Variants in SAMM50 observed in about 807,000 individuals in gnomAD.
SAMM50 encodes SAMM50 sorting and assembly machinery component.
A neutral mutation model predicts 66.9 loss-of-function variants in SAMM50; 47 were observed. The observed-to-expected ratio is 0.70, with a 90% CI of 0.56 to 0.90. The LOEUF is 0.90. SAMM50 is among the 40% of genes least tolerant of loss of function. SAMM50 has a pLI of 0.00. For missense variants in SAMM50, 535 were observed against 595.3 expected, an observed-to-expected ratio of 0.90 and a Z score of 1.05; for synonymous variants, 191 against 214.1, an observed-to-expected ratio of 0.89 and a Z score of 0.94.
At chr22:43,981,734 CA>C (rs1162447918) in intron 11 of SAMM50, among the ~76,000 whole-genome samples, 4 of 152,032 alleles carry the variant, frequency 2.6e-5, no homozygotes, top group Non-Finnish European at 4.4e-5. Flanking sequence ...TGCAGAAATG[CA>C]AAAATGGAGA....
chr22:43,995,662 G>C (rs1025670771), intron 14 of SAMM50, among the ~76,000 whole-genome samples: 1 of 152,186 alleles, frequency 6.6e-6, no homozygotes, highest in Admixed American at 6.5e-5. Context: ...CCCTGAGCCG[G>C]GTCTGGAGTC....
intron 13 of SAMM50, 113 bp from the exon 14 acceptor site, chr22:43,990,151 GC>G: frequency 2.4e-6 from 3 of 1,245,672 alleles, no homozygotes; most frequent in Non-Finnish European, 2.2e-6. Context: ...TCTAGGCCTG[GC>G]TTTAAAAACA....
chr22:43,956,021 C>A (rs2146801912), intron 1 of SAMM50, among the ~76,000 whole-genome samples: 1 of 152,296 alleles, frequency 6.6e-6, no homozygotes, highest in Non-Finnish European at 1.5e-5. Flanking sequence ...TAACTCAAAC[C>A]TATCTAGGGG....
In SAMM50 at chr22:43,963,400, A is replaced by C. The variant is rs1436418413; in HGVS notation, c.132+4A>C. 1.9e-6 allele frequency: 3 copies of C among 1,574,028 alleles called. No individual in the cohort carries two copies. Among genetic ancestry groups the C allele is most frequent in the Middle Eastern group, 1.7e-4 (1 of 5,954 alleles). The stretch of plus-strand genomic sequence containing the variant: ...GGAAATTCTTGAAAACAAAGATGTG[A>C]GTTTTCTGTTGAAGGTCTTGATAGA... On this transcript the variant is annotated splice_donor_region_variant and intron_variant, in intron 2 of 14. Transcript: ENST00000350028.
chr22:43,993,543 A>G (rs1320067137), intron 14 of SAMM50, among the ~76,000 whole-genome samples: 1 of 152,234 alleles, frequency 6.6e-6, no homozygotes, highest in African/African-American at 2.4e-5. Flanking sequence ...CATCCTAAGC[A>G]CGTGACATTT....
Position 43,963,305 on chromosome 22 carries a change from C to G in SAMM50, c.41C>G (p.Ser14Ter). 6.2e-7 allele frequency: 1 copy of G among 1,610,606 alleles called. No homozygotes were observed. The highest frequency in any genetic ancestry group is 8.5e-7 in the Non-Finnish European group (1 of 1,178,862). Reference protein sequence around the residue: ...VHARSLEPLPSSGPDFGGLGE... With the variant: ...VHARSLEPLP The stretch of plus-strand genomic sequence containing the variant: ...TTTCAGAGTTTGGAGCCTCTTCCAT[C>G]AAGTGGACCTGATTTTGGAGGATTA... The change falls in exon 2 of 15, where the codon TCA becomes TGA. Residue 14 changes from serine (S) to a stop codon, truncating the protein, a stop_gained. Coordinates refer to ENST00000350028, the MANE Select transcript of SAMM50 (RefSeq NM_015380.5). LOFTEE classifies it high-confidence loss of function.
At chr22:43,988,098 A>G (rs1054491702) in intron 12 of SAMM50, 2 of 152,144 alleles carry the variant, frequency 1.3e-5, no homozygotes. Flanking sequence ...TTCTACAATG[A>G]GTATATTTAA....
chr22:43,985,240 G>A (rs2050286232), intron 12 of SAMM50, among the ~76,000 whole-genome samples: 1 of 151,876 alleles, frequency 6.6e-6, no homozygotes, highest in Non-Finnish European at 1.5e-5. Flanking sequence ...TTTACATGAG[G>A]GTTCACTCTT....
intron 10 of SAMM50, among the ~76,000 whole-genome samples, chr22:43,979,604 A>G (rs1439629790): frequency 6.7e-6 from 1 of 150,146 alleles, no homozygotes. Flanking sequence ...CACTATGGAC[A>G]TATTAGTCTT....
At position 43,955,550 on chromosome 22, in the gene SAMM50, C is replaced by A. The variant is rs1202386039; in HGVS notation, c.-28C>A. On this transcript the variant is annotated 5_prime_UTR_variant, in exon 1 of 15. It adds an upstream start codon to the 5' untranslated region. Transcript: ENST00000350028. Reference sequence around the variant, plus strand: ...GACGCTCTGTCCCGCCCGGGCAGCTCTGCGAGGCAGCGGCTGGAGAGGGAA... The same window carrying A: ...GACGCTCTGTCCCGCCCGGGCAGCTATGCGAGGCAGCGGCTGGAGAGGGAA... 6.3e-7 allele frequency: 1 copy of A among 1,597,158 alleles called. No homozygotes were observed.
chr22:43,995,579 A>G (rs2050348841), intron 14 of SAMM50: 1 of 152,500 alleles, frequency 6.6e-6, no homozygotes. Flanking sequence ...TGCTGCAGGC[A>G]TGCTGTCAGG....
Position 43,976,042 on chromosome 22 carries a change from C to G in SAMM50, c.649-13C>G. 1 of 1,603,396 alleles carries G rather than the reference C, an allele frequency of 6.2e-7. No homozygotes were observed. The highest frequency in any genetic ancestry group is 8.5e-7 in the Non-Finnish European group (1 of 1,171,128). ...TGTGTGGTCCGGAAAGATGTCTGATCTCCATGTTGCAGTTTCCCATATGGA... is the reference window on the plus strand; with the variant it reads ...TGTGTGGTCCGGAAAGATGTCTGATGTCCATGTTGCAGTTTCCCATATGGA... On this transcript the variant is annotated splice_polypyrimidine_tract_variant and intron_variant, in intron 7 of 14. Transcript: ENST00000350028.
chr22:43,967,071 A>T (rs952545596), intron 3 of SAMM50, among the ~76,000 whole-genome samples: 1 of 152,082 alleles, frequency 6.6e-6, no homozygotes, highest in Non-Finnish European at 1.5e-5. Context: ...GTCTCATCAC[A>T]GTCATTCTCA....
At chr22:43,976,311 G>C in intron 8 of SAMM50, 128 bp downstream of exon 8, 1 of 1,054,252 alleles carries the variant, frequency 9.5e-7, no homozygotes, top group Non-Finnish European at 1.4e-6. Flanking sequence ...CCACAGTGGC[G>C]GCCCCCACTC....
chr22:43,985,773 G>A lies in SAMM50; in HGVS notation c.1075+1773G>A, dbSNP rs543419485. On this transcript the variant is annotated intron_variant, in intron 12 of 14. Coordinates refer to ENST00000350028, the MANE Select transcript of SAMM50 (RefSeq NM_015380.5). ...CGTGTTAAGAGCACGCCTCCCCTTT[G>A]TAAGGAGCTGCCAGGCGAGCTTCCG... 5.9e-4 allele frequency among the ~76,000 whole-genome samples: 90 copies of A among 152,042 alleles called. 2 individuals carry two copies. In the South Asian group the frequency reaches 0.018, roughly 30 times the overall value.
At chr22:43,971,538 G>T (rs7289211) in intron 4 of SAMM50, among the ~76,000 whole-genome samples, 1 of 152,176 alleles carries the variant, frequency 6.6e-6, no homozygotes, top group African/African-American at 2.4e-5. Context: ...CTATTGTCAT[G>T]TGAGTTCCCC....
chr22:43,958,121 C>G (rs1216814851), intron 1 of SAMM50, among the ~76,000 whole-genome samples: 1 of 152,166 alleles, frequency 6.6e-6, no homozygotes, highest in Non-Finnish European at 1.5e-5. Flanking sequence ...ACTTCATTCC[C>G]CCTCCCATCA....
At chr22:43,978,474 C>G (rs1438058038) in intron 10 of SAMM50, among the ~76,000 whole-genome samples, 1 of 146,858 alleles carries the variant, frequency 6.8e-6, no homozygotes, top group African/African-American at 2.5e-5. Flanking sequence ...CTAATCGTTA[C>G]ACATAGGACC....
At chr22:43,959,719 A>G (rs1474433560) in intron 1 of SAMM50, among the ~76,000 whole-genome samples, 1 of 152,090 alleles carries the variant, frequency 6.6e-6, no homozygotes, top group African/African-American at 2.4e-5. Flanking sequence ...CCCCATGCCT[A>G]TTATTCTAGG....
Sources: gnomAD v4.1 joint callset for allele counts (sites outside exome capture counted in the v4.1 genomes callset) on GRCh38, gnomAD v4.1.1 for gene constraint, MANE v1.5 for transcripts, NCBI Gene and HGNC (gene_info 2026-07-23, HGNC 2026-07-21) for gene names.